ROR2: variants seen among roughly 807,000 people sequenced by gnomAD.
The protein encoded by ROR2 is ROR family WNT receptor 2, also known as tyrosine-protein kinase transmembrane receptor ROR2.
A neutral mutation model predicts 74.9 loss-of-function variants in ROR2; 33 were observed. That is an observed-to-expected ratio of 0.44 (90% CI 0.33 to 0.59). ROR2 has a LOEUF of 0.59. Among genes scored for constraint, ROR2 ranks in the 20% least tolerant of loss-of-function variants. The pLI is 0.02. For synonymous variants in ROR2, 586 were observed against 558.7 expected (o/e 1.05, Z -0.69); for missense variants, 1,216 against 1,313.8 (o/e 0.93, Z 1.15).
chr9:91,840,073 C>T (rs545178796), intron 1 of ROR2, among the ~76,000 whole-genome samples: 2 of 152,248 alleles, frequency 1.3e-5, no homozygotes, highest in Admixed American at 1.3e-4. Context: ...TCACCCTGCC[C>T]GGGAAATGCC....
At chr9:91,897,206 A>T (rs774777734) in intron 1 of ROR2, among the ~76,000 whole-genome samples, 9 of 152,270 alleles carry the variant, frequency 5.9e-5, no homozygotes, top group Non-Finnish European at 1.2e-4. Flanking sequence ...TTCGAGTCCC[A>T]TTAAACTTGA....
At chr9:91,766,632 C>T (rs1826067204) in intron 2 of ROR2, among the ~76,000 whole-genome samples, 1 of 152,112 alleles carries the variant, frequency 6.6e-6, no homozygotes, top group Non-Finnish European at 1.5e-5. Context: ...GTCATTTAGC[C>T]TCTCTTGGCT....
At chr9:91,881,735 T>C (rs1830117464) in intron 1 of ROR2, among the ~76,000 whole-genome samples, 1 of 152,154 alleles carries the variant, frequency 6.6e-6, no homozygotes, top group African/African-American at 2.4e-5. Flanking sequence ...CGAAGGTGAT[T>C]AGCAAAGACA....
chr9:91,763,842 A>C (rs1373741079), intron 2 of ROR2, among the ~76,000 whole-genome samples: 4 of 152,128 alleles, frequency 2.6e-5, no homozygotes, highest in African/African-American at 9.7e-5. Flanking sequence ...CTTTAATTGC[A>C]CTGTTGTCAC....
intron 1 of ROR2, among the ~76,000 whole-genome samples, chr9:91,828,257 G>A (rs1219515596): frequency 1.3e-5 from 2 of 152,180 alleles, no homozygotes; most frequent in African/African-American, 4.8e-5. Context: ...TGGTACAGTG[G>A]TGTGGCTTAT....
At chr9:91,747,139 C>T (rs1274559214) in intron 4 of ROR2, among the ~76,000 whole-genome samples, 1 of 152,230 alleles carries the variant, frequency 6.6e-6, no homozygotes, top group Non-Finnish European at 1.5e-5. Flanking sequence ...TCTCCAAGCA[C>T]GACCAACACT....
At chr9:91,949,822 G>T in intron 1 of ROR2, 45 bp downstream of exon 1, 2 of 1,232,528 alleles carry the variant, frequency 1.6e-6, no homozygotes, top group Non-Finnish European at 1.2e-6. Flanking sequence ...GGCCAAGCGA[G>T]CCGTGAGCTA....
At chr9:91,740,582 A>G (rs968655424) in intron 4 of ROR2, among the ~76,000 whole-genome samples, 1 of 150,798 alleles carries the variant, frequency 6.6e-6, no homozygotes, top group Non-Finnish European at 1.5e-5. Flanking sequence ...ATATGTATAT[A>G]TATATATACA....
Position 91,857,352 on chromosome 9 carries a change from GC to G in ROR2, c.98-81535del, listed in dbSNP as rs571114238. Among the ~76,000 whole-genome samples the G allele has an allele frequency of 2.0e-3, 302 of 152,278 alleles. 3 individuals are homozygous for G. Among genetic ancestry groups the G allele is most frequent in the African/African-American group, 6.9e-3 (288 of 41,564 alleles). The stretch of plus-strand genomic sequence containing the variant: ...GCAGGCGGTGGGGCCTCGCCGCCCC[GC>G]CACTCCAGGTCCCAGCTTGGAGCAA... On this transcript the variant is annotated intron_variant, in intron 1 of 8. Transcript: ENST00000375708.
At chr9:91,819,309 G>A (rs544277342) in intron 1 of ROR2, among the ~76,000 whole-genome samples, 1 of 152,224 alleles carries the variant, frequency 6.6e-6, no homozygotes, top group Non-Finnish European at 1.5e-5. Flanking sequence ...TGCACAGAGA[G>A]GGTCCTGCTT....
chr9:91,743,327 T>C (rs1825306952), intron 4 of ROR2, among the ~76,000 whole-genome samples: 1 of 152,192 alleles, frequency 6.6e-6, no homozygotes, highest in African/African-American at 2.4e-5. Flanking sequence ...ATCCCAGCAT[T>C]TTGGGAGGCC....
chr9:91,946,157 G>A (rs1350640718), intron 1 of ROR2, among the ~76,000 whole-genome samples: 1 of 152,198 alleles, frequency 6.6e-6, no homozygotes, highest in African/African-American at 2.4e-5. Context: ...TATTGGCCAT[G>A]CAGCTGGGGT....
intron 1 of ROR2, among the ~76,000 whole-genome samples, chr9:91,851,749 G>A (rs1242492197): frequency 3.9e-5 from 6 of 152,078 alleles, no homozygotes; most frequent in Admixed American, 3.3e-4. Flanking sequence ...GGCCGAAGCG[G>A]GCAGATCATG....
intron 1 of ROR2, among the ~76,000 whole-genome samples, chr9:91,904,710 G>A (rs773209517): frequency 6.6e-6 from 1 of 152,154 alleles, no homozygotes; most frequent in Admixed American, 6.5e-5. Context: ...CCACCCCAGC[G>A]CCCTGGCTCC....
chr9:91,773,768 C>T (rs982619535), intron 2 of ROR2, among the ~76,000 whole-genome samples: 1 of 152,188 alleles, frequency 6.6e-6, no homozygotes, highest in Non-Finnish European at 1.5e-5. Flanking sequence ...GACCCAGGGC[C>T]CCCACTGGGC....
chr9:91,725,137 A>T (rs763059846), intron 8 of ROR2, 30 bp from the exon 9 acceptor site: 14 of 1,611,358 alleles, frequency 8.7e-6, no homozygotes, highest in African/African-American at 2.7e-5. Context: ...CACGTGAAAC[A>T]TCACTGTCAC....
chr9:91,940,925 C>T (rs965762720), intron 1 of ROR2, among the ~76,000 whole-genome samples: 21 of 151,204 alleles, frequency 1.4e-4, no homozygotes, highest in African/African-American at 4.9e-4. Flanking sequence ...CTTTTAACAG[C>T]ATGTGCTAAA....
intron 1 of ROR2, among the ~76,000 whole-genome samples, chr9:91,936,221 C>T (rs985425449): frequency 5.3e-5 from 8 of 152,188 alleles, no homozygotes; most frequent in African/African-American, 1.9e-4. Flanking sequence ...TGGGTGGATG[C>T]GTGTGTTAGC....
At position 91,809,156 on chromosome 9, in the gene ROR2, G is replaced by A. The variant is rs562652373; in HGVS notation, c.98-33338C>T. Among the ~76,000 whole-genome samples, 5 of 152,210 alleles carry A rather than the reference G, an allele frequency of 3.3e-5. No homozygotes were observed. In the East Asian group the frequency reaches 9.7e-4, roughly 29 times the overall value. ...ATCCCTGTAGCTGACTTCCTTCAGG[G>A]GTCCCCAAATAGTCTACAATGTCAC... On this transcript the variant is annotated intron_variant, in intron 1 of 8. Transcript: ENST00000375708.
Sources: gnomAD v4.1 joint callset for allele counts (sites outside exome capture counted in the v4.1 genomes callset) on GRCh38, gnomAD v4.1.1 for gene constraint, MANE v1.5 for transcripts, NCBI Gene and HGNC (gene_info 2026-07-23, HGNC 2026-07-21) for gene names.